TRPM1: variants seen among roughly 807,000 people sequenced by gnomAD.
TRPM1 encodes TRPM1-203 APA Isoform, Intron 10.
In TRPM1, 113 loss-of-function variants were observed where a neutral mutation model predicts 149.4. The observed-to-expected ratio is 0.76, with a 90% CI of 0.65 to 0.88. TRPM1 has a LOEUF of 0.88. Ranked by LOEUF, TRPM1 falls within the 40% of genes least tolerant of loss-of-function variation. The pLI, the probability that TRPM1 is intolerant of heterozygous loss-of-function variation, is 0.00. For synonymous variants in TRPM1, 741 were observed against 759.5 expected (o/e 0.98, Z 0.40); for missense variants, 1,976 against 2,038.7 (o/e 0.97, Z 0.59).
chr15:31,071,316 G>A (rs903845255), intron 3 of TRPM1, among the ~76,000 whole-genome samples: 11 of 152,170 alleles, frequency 7.2e-5, no homozygotes, highest in African/African-American at 2.4e-4. Context: ...GTGGGCAGCC[G>A]TGCACCCTAG....
At chr15:31,009,920 G>C (rs1009845827) in intron 27 of TRPM1, among the ~76,000 whole-genome samples, 13 of 152,014 alleles carry the variant, frequency 8.6e-5, no homozygotes, top group African/African-American at 2.2e-4. Context: ...AGACTTTCTA[G>C]TTTTCTATTA....
intron 1 of TRPM1, among the ~76,000 whole-genome samples, chr15:31,113,652 G>C (rs1399736059): frequency 6.6e-6 from 1 of 152,060 alleles, no homozygotes. Flanking sequence ...TTATCAACTA[G>C]TTTTTTGCCC....
chr15:31,088,740 C>G (rs116921401), intron 1 of TRPM1, among the ~76,000 whole-genome samples: 4,589 of 151,478 alleles, frequency 0.03, 112 homozygotes, highest in Admixed American at 0.042. Flanking sequence ...CGGTATTCGT[C>G]TTCCTGCTAC....
At chr15:31,125,310 C>T (rs980598681) in intron 1 of TRPM1, among the ~76,000 whole-genome samples, 20 of 152,188 alleles carry the variant, frequency 1.3e-4, no homozygotes, top group African/African-American at 4.1e-4. Flanking sequence ...AAATATACAC[C>T]GTGCAAGATG....
chr15:31,153,290 A>G (rs901720180), intron 1 of TRPM1, among the ~76,000 whole-genome samples: 1 of 151,948 alleles, frequency 6.6e-6, no homozygotes, highest in Non-Finnish European at 1.5e-5. Context: ...TGGTCTCCCA[A>G]CTCTTATTTT....
Position 31,040,449 on chromosome 15 carries a change from T to G in TRPM1, c.2088-103A>C. 4 of 941,192 alleles carry G rather than the reference T, an allele frequency of 4.2e-6. 1 individual carries two copies. The highest frequency in any genetic ancestry group is 6.8e-6 in the Non-Finnish European group (4 of 590,706). 58.3% of individuals were successfully genotyped at this position (941,192 alleles called of 1,614,324 possible). ...ACTTATGGAGCCACGGGACACAGTA[T>G]CCTTCACTGGAGGGGCTCTGAGGTT... On this transcript the variant is annotated intron_variant, in intron 17 of 27. Coordinates refer to ENST00000256552, the MANE Select transcript of TRPM1 (RefSeq NM_001252024.2). This position sits in a 1 kb window ranked among gnomAD's most constrained non-coding sequence, Gnocchi z 4.2.
At chr15:31,077,564 TG>T (rs926766212) in intron 2 of TRPM1, among the ~76,000 whole-genome samples, 1 of 151,940 alleles carries the variant, frequency 6.6e-6, no homozygotes, top group Non-Finnish European at 1.5e-5. Flanking sequence ...CAGAGAGAGC[TG>T]GGGAGAGCCC....
chr15:31,133,237 G>T (rs2036042144), intron 1 of TRPM1, among the ~76,000 whole-genome samples: 1 of 151,894 alleles, frequency 6.6e-6, no homozygotes, highest in Admixed American at 6.6e-5. Context: ...AGGAGTTCAA[G>T]ACCCAGCCTG....
At chr15:31,030,014 C>T (rs1305104219) in intron 23 of TRPM1, among the ~76,000 whole-genome samples, 2 of 152,164 alleles carry the variant, frequency 1.3e-5, no homozygotes, top group African/African-American at 4.8e-5. Flanking sequence ...TTTTTATGTT[C>T]TGGCTTACCA....
intron 1 of TRPM1, among the ~76,000 whole-genome samples, chr15:31,149,665 A>G (rs370663661): frequency 0.01 from 1,564 of 151,540 alleles, 24 homozygotes; most frequent in African/African-American, 0.033. Context: ...GACTACAAGC[A>G]CCCGCCACCG....
At chr15:31,062,090 C>G (rs1241372652) in intron 9 of TRPM1, among the ~76,000 whole-genome samples, 2 of 152,164 alleles carry the variant, frequency 1.3e-5, no homozygotes, top group Non-Finnish European at 2.9e-5. Context: ...GAGCTACACT[C>G]CGAAATCTCA....
chr15:31,016,547 C>T (rs1428162210), intron 27 of TRPM1, among the ~76,000 whole-genome samples: 1 of 152,148 alleles, frequency 6.6e-6, no homozygotes, highest in Non-Finnish European at 1.5e-5. Flanking sequence ...CTTATGAATA[C>T]TTTTGAAAAG....
rs1024935054 is a variant in TRPM1, at chr15:31,075,546, C to A, written c.83+1359G>T. 4.6e-5 allele frequency among the ~76,000 whole-genome samples: 7 copies of A among 152,310 alleles called. No individual in the cohort carries two copies. The South Asian group carries it at 1.4e-3, about 32-fold the overall frequency. On this transcript the variant is annotated intron_variant, in intron 3 of 27. Transcript: ENST00000256552. ...GGGCACGGGTGGAAGAAGGGAGCCT[C>A]TATCTCTCAACTGCATTCATTCAGG...
chr15:31,080,344 C>A (rs930870960), intron 2 of TRPM1, among the ~76,000 whole-genome samples: 1 of 152,096 alleles, frequency 6.6e-6, no homozygotes, highest in African/African-American at 2.4e-5. Flanking sequence ...GGGAGAACCA[C>A]CTAAAACAAA....
At chr15:31,043,915 A>C (rs1227943826) in intron 16 of TRPM1, among the ~76,000 whole-genome samples, 1 of 152,224 alleles carries the variant, frequency 6.6e-6, no homozygotes, top group Non-Finnish European at 1.5e-5. Context: ...GAAAAGGGAA[A>C]AAAACCAATA....
At chr15:31,020,975 T>C (rs1180528643) in intron 27 of TRPM1, among the ~76,000 whole-genome samples, 1 of 152,158 alleles carries the variant, frequency 6.6e-6, no homozygotes, top group Non-Finnish European at 1.5e-5. Context: ...TTATTACTAA[T>C]AAAACTGATT....
intron 11 of TRPM1, among the ~76,000 whole-genome samples, chr15:31,058,168 G>T (rs1391157473): frequency 7.7e-6 from 1 of 130,620 alleles, no homozygotes; most frequent in Non-Finnish European, 1.6e-5. Context: ...CCAAACTAAA[G>T]ATACAATAAA....
intron 1 of TRPM1, among the ~76,000 whole-genome samples, chr15:31,148,556 G>A (rs902120629): frequency 9.2e-5 from 14 of 152,302 alleles, no homozygotes; most frequent in African/African-American, 3.1e-4. Flanking sequence ...GCTTTGTTCC[G>A]TGAAAGGAGG....
chr15:31,145,153 C>G (rs2036209021), intron 1 of TRPM1, among the ~76,000 whole-genome samples: 1 of 152,258 alleles, frequency 6.6e-6, no homozygotes, highest in South Asian at 2.1e-4. Flanking sequence ...TAAGGTGAAG[C>G]TGGACAACTT....
Sources: gnomAD v4.1 joint callset for allele counts (sites outside exome capture counted in the v4.1 genomes callset) on GRCh38, gnomAD v4.1.1 for gene constraint, Gnocchi (gnomAD v3.1) non-coding constraint, MANE v1.5 for transcripts, NCBI Gene and HGNC (gene_info 2026-07-23, HGNC 2026-07-21) for gene names.